Variants in GNG2 observed in about 807,000 individuals in gnomAD.
The protein encoded by GNG2 is guanine nucleotide-binding protein G(I)/G(S)/G(O) subunit gamma-2.
GNG2 carries 5 observed loss-of-function variants against 5.5 expected under a neutral mutation model. The ratio of observed to expected loss-of-function variants is 0.91; its 90% CI spans 0.48 to 1.92. The LOEUF is 1.92. Ranked by LOEUF, GNG2 falls within the 30% of genes most tolerant of loss-of-function variation. The pLI is 0.01. For synonymous variants in GNG2, 28 were observed against 32.0 expected (o/e 0.88, Z 0.42); for missense variants, 55 against 88.4 (o/e 0.62, Z 1.52).
At chr14:51,894,180 G>C (rs1306213912) in intron 2 of GNG2, among the ~76,000 whole-genome samples, 1 of 151,974 alleles carries the variant, frequency 6.6e-6, no homozygotes, top group East Asian at 1.9e-4. Flanking sequence ...TATTGGAAAG[G>C]ACTTTTTTAT....
intron 2 of GNG2, among the ~76,000 whole-genome samples, chr14:51,901,191 T>C (rs1166430685): frequency 6.6e-6 from 1 of 152,166 alleles, no homozygotes; most frequent in African/African-American, 2.4e-5. Flanking sequence ...TATTTCTTTT[T>C]TTTTTTCTTT....
intron 2 of GNG2, among the ~76,000 whole-genome samples, chr14:51,885,251 C>G (rs1884370403): frequency 6.6e-6 from 1 of 152,032 alleles, no homozygotes; most frequent in African/African-American, 2.4e-5. Flanking sequence ...ATGTAAATAT[C>G]AATTGAGATA....
intron 2 of GNG2, among the ~76,000 whole-genome samples, chr14:51,897,146 C>T (rs192740915): frequency 7.0e-4 from 107 of 152,262 alleles, no homozygotes; most frequent in African/African-American, 2.4e-3. Flanking sequence ...TTCCAAGAGC[C>T]CTCAGGGCTG....
chr14:51,966,409 C>T, intron 3 of GNG2, 150 bp from the exon 4 acceptor site: 1 of 686,642 alleles, frequency 1.5e-6, no homozygotes, highest in African/African-American at 1.8e-5. Flanking sequence ...CAACTTTCTT[C>T]TTTGCAGATG....
At chr14:51,855,038 G>A (rs1882089652) in intron 2 of GNG2, among the ~76,000 whole-genome samples, 1 of 152,084 alleles carries the variant, frequency 6.6e-6, no homozygotes, top group East Asian at 1.9e-4. Context: ...CTCGTGAGGG[G>A]TTAGGAAAGC....
intron 3 of GNG2, among the ~76,000 whole-genome samples, chr14:51,953,478 T>C (rs1889103725): frequency 6.6e-6 from 1 of 152,122 alleles, no homozygotes; most frequent in African/African-American, 2.4e-5. Context: ...GAGACACAAA[T>C]AAATCAATAC....
intron 1 of GNG2, among the ~76,000 whole-genome samples, chr14:51,865,325 C>G (rs960030329): frequency 6.6e-6 from 1 of 152,056 alleles, no homozygotes; most frequent in African/African-American, 2.4e-5. Flanking sequence ...AGTCTCCACC[C>G]TCCCACCCTC....
At chr14:51,928,310 G>C (rs529995198) in intron 2 of GNG2, among the ~76,000 whole-genome samples, 1 of 152,014 alleles carries the variant, frequency 6.6e-6, no homozygotes, top group Non-Finnish European at 1.5e-5. Flanking sequence ...AATTACAGGC[G>C]CGGTGGCTCA....
At chr14:51,966,521 C>G (rs1006581485) in intron 3 of GNG2, 38 bp from the exon 4 acceptor site, 1 of 1,599,256 alleles carries the variant, frequency 6.3e-7, no homozygotes, top group East Asian at 2.2e-5. Context: ...CTGACTGTAC[C>G]AGACTCCAGT....
intron 2 of GNG2, among the ~76,000 whole-genome samples, chr14:51,912,505 G>C (rs758706943): frequency 6.6e-6 from 1 of 152,118 alleles, no homozygotes; most frequent in Non-Finnish European, 1.5e-5. Flanking sequence ...GTTGAGCAGA[G>C]GTCTTTCCAG....
intron 1 of GNG2, among the ~76,000 whole-genome samples, chr14:51,870,551 G>C (rs567084133): frequency 6.6e-6 from 1 of 152,334 alleles, no homozygotes; most frequent in South Asian, 2.1e-4. Context: ...TAATGAGCTA[G>C]AGACGCCAAG....
chr14:51,838,453 A>AG (rs983582347), intron 2 of GNG2, among the ~76,000 whole-genome samples: 13 of 151,264 alleles, frequency 8.6e-5, no homozygotes, highest in South Asian at 2.1e-4. Context: ...CAAAAAAAAA[A>AG]GGGGGGGTTA....
intron 2 of GNG2, among the ~76,000 whole-genome samples, chr14:51,903,916 C>T (rs1885731003): frequency 1.3e-5 from 2 of 152,190 alleles, no homozygotes; most frequent in South Asian, 4.1e-4. Flanking sequence ...GAATTTTGTT[C>T]TGTTCCCAAG....
intron 3 of GNG2, among the ~76,000 whole-genome samples, chr14:51,962,246 A>G (rs1295559268): frequency 6.6e-6 from 1 of 152,180 alleles, no homozygotes; most frequent in East Asian, 1.9e-4. Context: ...TATGTGATGT[A>G]GTTATACATA....
chr14:51,858,504 G>A (rs916843686), upstream of GNG2, among the ~76,000 whole-genome samples: 2 of 152,254 alleles, frequency 1.3e-5, no homozygotes, highest in South Asian at 4.1e-4. Flanking sequence ...AACCTATATA[G>A]GCTTAAATAT....
chr14:51,963,530 C>T (rs1889733667), intron 3 of GNG2, among the ~76,000 whole-genome samples: 1 of 152,188 alleles, frequency 6.6e-6, no homozygotes, highest in Non-Finnish European at 1.5e-5. Flanking sequence ...GTCTGAAAGT[C>T]TGTCCTTTGT....
intron 2 of GNG2, among the ~76,000 whole-genome samples, chr14:51,846,027 C>CA (rs1881615368): frequency 6.6e-6 from 1 of 152,108 alleles, no homozygotes; most frequent in South Asian, 2.1e-4. Flanking sequence ...ATAGGTATTA[C>CA]AAAATGACCT....
At chr14:51,830,942 C>G (rs529358516) in intron 2 of GNG2, among the ~76,000 whole-genome samples, 2 of 152,346 alleles carry the variant, frequency 1.3e-5, no homozygotes, top group South Asian at 2.1e-4. Flanking sequence ...ACAGCACGAG[C>G]TGTTTCTCCA....
intron 2 of GNG2, among the ~76,000 whole-genome samples, chr14:51,883,009 C>CAA (rs1208060740): frequency 2.0e-5 from 1 of 49,294 alleles, no homozygotes; most frequent in Admixed American, 2.0e-4. Context: ...GACTCCATCT[C>CAA]AAAAAAAAAA....
Sources: allele counts gnomAD v4.1 joint callset (sites outside exome capture counted in the v4.1 genomes callset), GRCh38; gene constraint gnomAD v4.1.1; transcripts MANE v1.5; gene names NCBI Gene and HGNC (gene_info 2026-07-23, HGNC 2026-07-21).